Variants in DOCK10 observed in about 807,000 individuals in gnomAD.
DOCK10 encodes dedicator of cytokinesis 10, also known as dedicator of cytokinesis protein 10.
Under a neutral mutation model 280.1 loss-of-function variants are expected in DOCK10, and 145 were observed. The ratio of observed to expected loss-of-function variants is 0.52; its 90% CI spans 0.45 to 0.59. DOCK10 has a LOEUF of 0.59. Among genes scored for constraint, DOCK10 ranks in the 20% least tolerant of loss-of-function variants. DOCK10 has a pLI of 0.00. For missense variants in DOCK10, 2,368 were observed against 2,651.7 expected, an observed-to-expected ratio of 0.89 and a Z score of 2.35; for synonymous variants, 915 against 942.2, an observed-to-expected ratio of 0.97 and a Z score of 0.53.
chr2:224,949,151 C>T lies in DOCK10; in HGVS notation c.124-17483G>A, dbSNP rs574987383. ...CATGGAGTGTTCCATGGGATGGCACCGCTGGGCCCTCTACAGGCTTTCTTC... is the reference window on the plus strand; with the variant it reads ...CATGGAGTGTTCCATGGGATGGCACTGCTGGGCCCTCTACAGGCTTTCTTC... On this transcript the variant is annotated intron_variant, in intron 1 of 55. Coordinates refer to ENST00000258390, the MANE Select transcript of DOCK10 (RefSeq NM_014689.3). Among the ~76,000 whole-genome samples, 9 of 152,316 alleles carry T rather than the reference C, an allele frequency of 5.9e-5. No individual in the cohort carries two copies. The South Asian group carries it at 1.4e-3, about 25-fold the overall frequency.
intron 22 of DOCK10, among the ~76,000 whole-genome samples, chr2:224,842,980 A>G (rs1488308921): frequency 6.6e-6 from 1 of 152,196 alleles, no homozygotes; most frequent in Non-Finnish European, 1.5e-5. Flanking sequence ...CTGAGCTAAG[A>G]TCTGAAGGAT....
chr2:224,939,412 T>C (rs571666514), intron 1 of DOCK10, among the ~76,000 whole-genome samples: 1 of 152,252 alleles, frequency 6.6e-6, no homozygotes, highest in African/African-American at 2.4e-5. Flanking sequence ...CTTATGAGCA[T>C]GTTAAAATTC....
At chr2:224,819,965 T>C (rs933515272) in intron 28 of DOCK10, among the ~76,000 whole-genome samples, 1 of 152,250 alleles carries the variant, frequency 6.6e-6, no homozygotes, top group African/African-American at 2.4e-5. Context: ...TTGTCTACTT[T>C]TTTAACCACT....
At chr2:224,785,821 T>C (rs558373795) in intron 50 of DOCK10, among the ~76,000 whole-genome samples, 2 of 151,998 alleles carry the variant, frequency 1.3e-5, no homozygotes, top group Non-Finnish European at 2.9e-5. Context: ...CAGAGGAAAA[T>C]ATGTATTTTT....
At chr2:224,878,398 G>T (rs758922823) in intron 7 of DOCK10, among the ~76,000 whole-genome samples, 3 of 152,180 alleles carry the variant, frequency 2.0e-5, no homozygotes, top group Non-Finnish European at 4.4e-5. Flanking sequence ...GATAGCAAAT[G>T]GTAGAGAAGG....
chr2:224,765,417 G>T lies in DOCK10; in HGVS notation c.*304C>A, dbSNP rs1690032608. On this transcript the variant is annotated 3_prime_UTR_variant, in exon 56 of 56. Coordinates refer to ENST00000258390, the MANE Select transcript of DOCK10 (RefSeq NM_014689.3). The stretch of plus-strand genomic sequence containing the variant: ...ATTCACTTTAACCTTTAAAATATGT[G>T]TACTAGGACTGGGGTACTGACCATA... 2 of 240,476 alleles carry T rather than the reference G, an allele frequency of 8.3e-6. No individual in the cohort carries two copies. The highest frequency in any genetic ancestry group is 9.5e-5 in the South Asian group (1 of 10,582). 14.9% of individuals were successfully genotyped at this position (240,476 alleles called of 1,614,324 possible). A position where few individuals can be genotyped will look rare whatever the true frequency, so the allele number is the denominator to read the frequency against.
intron 1 of DOCK10, among the ~76,000 whole-genome samples, chr2:225,036,032 G>A (rs553690061): frequency 3.3e-5 from 5 of 152,208 alleles, no homozygotes; most frequent in Admixed American, 1.3e-4. Context: ...GGACACAAAC[G>A]TTTAGTTCAT....
intron 1 of DOCK10, among the ~76,000 whole-genome samples, chr2:224,955,832 T>C (rs918741862): frequency 1.3e-5 from 2 of 152,246 alleles, no homozygotes; most frequent in African/African-American, 2.4e-5. Flanking sequence ...TGCACCTCAC[T>C]AGGTAAACAA....
At chr2:224,810,789 C>T (rs1219847097) in intron 31 of DOCK10, among the ~76,000 whole-genome samples, 6 of 152,002 alleles carry the variant, frequency 3.9e-5, no homozygotes, top group African/African-American at 9.6e-5. Context: ...CCAGTTTCAT[C>T]CATGTCCCTA....
chr2:225,004,749 T>A (rs966016495), intron 1 of DOCK10, among the ~76,000 whole-genome samples: 1 of 152,216 alleles, frequency 6.6e-6, no homozygotes, highest in East Asian at 1.9e-4. Context: ...AGTGTGCTGA[T>A]GCAATTTCAG....
intron 1 of DOCK10, among the ~76,000 whole-genome samples, chr2:224,961,446 C>CTTTCTTTCTTTCTTTCTT (rs1559873791): frequency 2.8e-4 from 36 of 130,638 alleles, no homozygotes; most frequent in African/African-American, 9.1e-4. Flanking sequence ...TTCTTTCTTT[C>CTTTCTTTCTTTCTTTCTT]TTTCTTTCTT....
intron 17 of DOCK10, 38 bp from the exon 18 acceptor site, chr2:224,852,480 C>A: frequency 6.6e-7 from 1 of 1,513,798 alleles, no homozygotes; most frequent in South Asian, 1.2e-5. Flanking sequence ...ATTGTAATTT[C>A]CTATCAAATA....
In DOCK10 at chr2:224,774,972, G is replaced by T. The variant is rs910970172; in HGVS notation, c.5946C>A (p.Pro1982=). The change falls in exon 52 of 56, where the codon CCC becomes CCA. Residue 1982 remains proline (P), a synonymous_variant. Coordinates refer to ENST00000258390, the MANE Select transcript of DOCK10 (RefSeq NM_014689.3). ...CGTGCTTCTTGCCCGACAGCGTGAA[G>T]GGTGTCTCGAAGACAAAGCGGTTGA... ...HNINRFVFET[P]FTLSGKKHGG... 1 of 1,612,494 alleles carries T rather than the reference G, an allele frequency of 6.2e-7. No homozygotes were observed. Among genetic ancestry groups the T allele is most frequent in the Non-Finnish European group, 8.5e-7 (1 of 1,179,268 alleles).
intron 27 of DOCK10, among the ~76,000 whole-genome samples, chr2:224,826,939 G>A (rs1277652615): frequency 6.6e-6 from 1 of 151,752 alleles, no homozygotes; most frequent in African/African-American, 2.4e-5. Context: ...CTCCAGCCTG[G>A]GCAACAGGAG....
chr2:224,824,429 C>CTT (rs869275800), intron 27 of DOCK10, among the ~76,000 whole-genome samples: 2,097 of 63,390 alleles, frequency 0.033, 236 homozygotes, highest in African/African-American at 0.12. Flanking sequence ...TCAGACTCTG[C>CTT]TTTTTTTTTT....
In DOCK10 at chr2:224,830,524, ATTAC is replaced by A; in HGVS notation, c.3036+13_3036+16del. 1 of 1,288,612 alleles carries A rather than the reference ATTAC, an allele frequency of 7.8e-7. No homozygotes were observed. The highest frequency in any genetic ancestry group is 1.0e-6 in the Non-Finnish European group (1 of 963,236). The allele number at this position is 1,288,612 out of a possible 1,614,324, so 79.8% of individuals were successfully genotyped here. On this transcript the variant is annotated intron_variant, in intron 27 of 55. Coordinates refer to ENST00000258390, the MANE Select transcript of DOCK10 (RefSeq NM_014689.3). ...TATTGTAAAAATATTATAATATTAT[ATTAC>A]TTATGTTCTTACCTGGATTTTATTT...
chr2:224,981,554 TA>T (rs1358723755), intron 1 of DOCK10, among the ~76,000 whole-genome samples: 2 of 152,224 alleles, frequency 1.3e-5, no homozygotes, highest in African/African-American at 4.8e-5. Flanking sequence ...CCCTCAAATT[TA>T]TTCTTGCTGA....
intron 3 of DOCK10, among the ~76,000 whole-genome samples, chr2:224,907,111 T>C (rs1324063533): frequency 6.6e-6 from 1 of 152,224 alleles, no homozygotes; most frequent in Non-Finnish European, 1.5e-5. Flanking sequence ...ACCTCGTTTA[T>C]GCCACCGGAT....
At chr2:224,984,570 T>C (rs563651576) in intron 1 of DOCK10, among the ~76,000 whole-genome samples, 1 of 152,302 alleles carries the variant, frequency 6.6e-6, no homozygotes, top group South Asian at 2.1e-4. Flanking sequence ...TAAAGGAATG[T>C]CCAAGGATTA....
Sources: gnomAD v4.1 joint callset for allele counts (sites outside exome capture counted in the v4.1 genomes callset) on GRCh38, gnomAD v4.1.1 for gene constraint, MANE v1.5 for transcripts, NCBI Gene and HGNC (gene_info 2026-07-23, HGNC 2026-07-21) for gene names.